Variants in DUSP15 observed in about 807,000 individuals in gnomAD.
The protein encoded by DUSP15 is dual specificity phosphatase 15, also known as dual specificity protein phosphatase 15.
Under a neutral mutation model 26.3 loss-of-function variants are expected in DUSP15, and 23 were observed. The observed-to-expected ratio is 0.87, with a 90% CI of 0.63 to 1.24. The LOEUF is 1.24. Among genes scored for constraint, DUSP15 ranks in the 50% most tolerant of loss-of-function variants. DUSP15 has a pLI of 0.00. For synonymous variants in DUSP15, 143 were observed against 135.5 expected (o/e 1.06, Z -0.39); for missense variants, 364 against 320.6 (o/e 1.14, Z -1.03).
intron 3 of DUSP15, among the ~76,000 whole-genome samples, 177 bp downstream of exon 3, chr20:31,866,894 C>T (rs2062779301): frequency 6.6e-6 from 1 of 152,186 alleles, no homozygotes; most frequent in Non-Finnish European, 1.5e-5. Context: ...GTTAATTGAC[C>T]TCTCTGGGCC....
At chr20:31,864,260 G>C (rs1600474477) in intron 4 of DUSP15, 1 of 1,179,974 alleles carries the variant, frequency 8.5e-7, no homozygotes, top group East Asian at 5.0e-5. Context: ...TTTCATGTTG[G>C]GTTTATTGTG....
intron 5 of DUSP15, chr20:31,863,652 A>G: frequency 2.1e-6 from 1 of 469,838 alleles, no homozygotes; most frequent in Non-Finnish European, 3.9e-6. Context: ...CCATCAGGTC[A>G]GCTTTCTTTT....
chr20:31,861,008 T>G (rs1008085924), downstream of DUSP15: 72 of 1,028,566 alleles, frequency 7.0e-5, no homozygotes, highest in Non-Finnish European at 7.9e-5. Context: ...CTGGCAGTCC[T>G]GCTGGCTCCT....
At chr20:31,849,760 C>T (rs771904417) in exon 8 of DUSP15, 9 of 1,540,006 alleles carry the variant, frequency 5.8e-6, no homozygotes, top group Middle Eastern at 1.7e-4. Flanking sequence ...GAGGTGGCGG[C>T]CCCAGCAGGC....
chr20:31,857,650 C>T (rs2062583012), downstream of DUSP15, among the ~76,000 whole-genome samples: 1 of 152,244 alleles, frequency 6.6e-6, no homozygotes, highest in Non-Finnish European at 1.5e-5. Context: ...TAGACCTTTG[C>T]ACATTCAGTT....
downstream of DUSP15, among the ~76,000 whole-genome samples, chr20:31,860,140 C>T (rs1020829068): frequency 9.2e-5 from 14 of 152,262 alleles, no homozygotes; most frequent in African/African-American, 3.4e-4. Flanking sequence ...TACCCAGGGC[C>T]GAGCACAATG....
chr20:31,866,902 G>A (rs2062779591), intron 3 of DUSP15, among the ~76,000 whole-genome samples, 169 bp downstream of exon 3: 1 of 152,192 alleles, frequency 6.6e-6, no homozygotes, highest in Admixed American at 6.5e-5. Context: ...ACCTCTCTGG[G>A]CCTCAACTGC....
chr20:31,855,715 AGCACCTACTATGT>A, intron 6 of DUSP15, among the ~76,000 whole-genome samples: 1 of 152,208 alleles, frequency 6.6e-6, no homozygotes. Flanking sequence ...ACACTTATTG[AGCACCTACTATGT>A]GCCAGGCACA....
At chr20:31,850,797 C>CA in intron 6 of DUSP15, 2 of 1,045,818 alleles carry the variant, frequency 1.9e-6, no homozygotes, top group Middle Eastern at 2.5e-4. Flanking sequence ...TGTGGTCAAC[C>CA]AAAGGGCCTG....
downstream of DUSP15, among the ~76,000 whole-genome samples, chr20:31,857,971 G>A (rs1327610230): frequency 6.6e-6 from 1 of 152,198 alleles, no homozygotes; most frequent in African/African-American, 2.4e-5. Context: ...AGCCTTGGCT[G>A]ATTGTTTTAA....
intron 5 of DUSP15, among the ~76,000 whole-genome samples, chr20:31,862,978 T>C (rs1161479016): frequency 6.6e-6 from 1 of 152,108 alleles, no homozygotes; most frequent in Non-Finnish European, 1.5e-5. Flanking sequence ...ATTCAGTCAA[T>C]AAATATGTCC....
intron 6 of DUSP15, among the ~76,000 whole-genome samples, chr20:31,855,480 C>A (rs1268936716): frequency 6.6e-6 from 1 of 152,046 alleles, no homozygotes; most frequent in Non-Finnish European, 1.5e-5. Flanking sequence ...GAAGCTAGAT[C>A]ATGAATGTCC....
At chr20:31,855,921 G>A (rs1379497948) in intron 6 of DUSP15, among the ~76,000 whole-genome samples, 1 of 152,188 alleles carries the variant, frequency 6.6e-6, no homozygotes, top group African/African-American at 2.4e-5. Flanking sequence ...TGCATCGGGG[G>A]AGGCTCTCTC....
downstream of DUSP15, among the ~76,000 whole-genome samples, chr20:31,847,260 A>G (rs567702390): frequency 1.2e-4 from 18 of 152,332 alleles, no homozygotes; most frequent in Admixed American, 5.2e-4. Context: ...AAAGCTGGAT[A>G]TGAGCCTAGG....
rs2123327909 is a variant in DUSP15, at chr20:31,870,036, A to C, written c.21+281T>G. 1 of 1,304,462 alleles carries C rather than the reference A, an allele frequency of 7.7e-7. No homozygotes were observed. The highest frequency in any genetic ancestry group is 9.7e-7 in the Non-Finnish European group (1 of 1,028,346). 80.8% of individuals were successfully genotyped at this position (1,304,462 alleles called of 1,614,324 possible). ...GGGAGAGGGACACATGCAGACGGAGAGCAGGACTCACTGGGAGACAGCCTG... is the reference window on the plus strand; with the variant it reads ...GGGAGAGGGACACATGCAGACGGAGCGCAGGACTCACTGGGAGACAGCCTG... On this transcript the variant is annotated intron_variant, in intron 1 of 6. Transcript: ENST00000339738. The surrounding 1 kb of genome is among the most constrained non-coding windows in gnomAD (Gnocchi z 6.6).
intron 4 of DUSP15, 62 bp downstream of exon 4, chr20:31,864,891 C>T: frequency 1.3e-6 from 2 of 1,565,146 alleles, no homozygotes; most frequent in East Asian, 2.2e-5. Context: ...AAACCCCCTC[C>T]CCCTCCCCCA....
At chr20:31,849,861 G>C (rs1600432083) in exon 8 of DUSP15, 1 of 1,506,306 alleles carries the variant, frequency 6.6e-7, no homozygotes, top group African/African-American at 1.4e-5. Flanking sequence ...AGAGCCACAC[G>C]TGCAGCCAGC....
At chr20:31,865,843 AG>A (rs1347224671) in intron 3 of DUSP15, among the ~76,000 whole-genome samples, 6 of 152,118 alleles carry the variant, frequency 3.9e-5, no homozygotes, top group African/African-American at 1.2e-4. Context: ...TTGCTGATGG[AG>A]GGGGGAAGGA....
intron 3 of DUSP15, among the ~76,000 whole-genome samples, chr20:31,865,989 C>A (rs2062755979): frequency 6.6e-6 from 1 of 152,240 alleles, no homozygotes; most frequent in Non-Finnish European, 1.5e-5. Flanking sequence ...CAAATACTCC[C>A]AAACGAGGCT....
Sources: gnomAD v4.1 joint callset for allele counts (sites outside exome capture counted in the v4.1 genomes callset) on GRCh38, gnomAD v4.1.1 for gene constraint, Gnocchi (gnomAD v3.1) non-coding constraint, MANE v1.5 for transcripts, NCBI Gene and HGNC (gene_info 2026-07-23, HGNC 2026-07-21) for gene names.